The following POU3F3 variants were observed in gnomAD, a reference collection of about 807,000 sequenced individuals.
POU3F3 encodes POU class 3 homeobox 3, also known as POU domain, class 3, transcription factor 3.
A neutral mutation model predicts 8.6 loss-of-function variants in POU3F3; 1 was observed. The observed-to-expected ratio is 0.12, with a 90% CI of 0.04 to 0.55. The LOEUF (loss-of-function observed/expected upper bound fraction) is 0.55, where lower values mean the gene tolerates loss of function less well. Among genes scored for constraint, POU3F3 ranks in the 20% least tolerant of loss-of-function variants. The pLI, the probability that POU3F3 is intolerant of heterozygous loss-of-function variation, is 0.91. For missense variants in POU3F3, 577 were observed against 690.7 expected (o/e 0.84, Z 1.84); for synonymous variants, 418 against 327.4 (o/e 1.28, Z -2.99).
chr2:104,923,556 A>T, the POU3F3 span, among the ~76,000 whole-genome samples: 9 of 152,142 alleles, frequency 5.9e-5, no homozygotes, highest in Non-Finnish European at 1.3e-4. Context: ...ATGAGAAGGG[A>T]ATTTAAACAT....
chr2:104,898,081 C>T, the POU3F3 span, among the ~76,000 whole-genome samples: 1 of 152,140 alleles, frequency 6.6e-6, no homozygotes, highest in Non-Finnish European at 1.5e-5. Context: ...GGTGATTAGT[C>T]ACAAGGGTGG....
the POU3F3 span, among the ~76,000 whole-genome samples, chr2:104,892,443 G>A: frequency 6.6e-5 from 10 of 151,970 alleles, no homozygotes; most frequent in Admixed American, 5.2e-4. Context: ...AGATATTCAT[G>A]CTTATTTATT....
the POU3F3 span, among the ~76,000 whole-genome samples, chr2:104,918,553 G>A: frequency 1.3e-5 from 2 of 152,152 alleles, no homozygotes; most frequent in Admixed American, 6.5e-5. Context: ...CACACAGGGA[G>A]AACATCATGT....
chr2:104,909,378 G>T, the POU3F3 span, among the ~76,000 whole-genome samples: 2 of 152,316 alleles, frequency 1.3e-5, no homozygotes, highest in East Asian at 3.9e-4. Flanking sequence ...ACCCACAAAT[G>T]GTACCCTGGG....
the POU3F3 span, among the ~76,000 whole-genome samples, chr2:104,878,839 G>A: frequency 6.6e-6 from 1 of 152,112 alleles, no homozygotes; most frequent in African/African-American, 2.4e-5. Context: ...GTCCAGATTT[G>A]TGTGTGTTTC....
In POU3F3 at chr2:104,855,926, C is replaced by A. The variant is rs1449680778; in HGVS notation, c.416C>A (p.Pro139Gln). Residue 139 changes from proline (P) to glutamine (Q), a missense_variant, in exon 1 of 1, where the codon CCG becomes CAG. Pro to Gln is a moderately conservative substitution (Grantham distance 76, BLOSUM62 -1). Around this residue, in one of 7 missense-constraint regions of POU3F3, gnomAD observed 484 missense variants for 422.6 expected, o/e 1.15. Transcript: ENST00000361360. ...GGCAGCCCCCAGCAGCCACCGCAGC[C>A]GCCGCCGCCACCGCCGCAGGGCCCC... ...MAGSPQQPPQ[P>Q]PPPPPQGPDV... The A allele has an allele frequency of 1.9e-6, 2 of 1,058,706 alleles. No individual in the cohort carries two copies. The highest frequency in any genetic ancestry group is 2.9e-5 in the South Asian group (1 of 34,874). The allele number at this position is 1,058,706 out of a possible 1,614,324, so 65.6% of individuals were successfully genotyped here. A position where few individuals can be genotyped will look rare whatever the true frequency, so the allele number is the denominator to read the frequency against.
At position 104,856,573 on chromosome 2, in the gene POU3F3, T is replaced by C; in HGVS notation, c.1063T>C (p.Phe355Leu). ...GCTGGGCACACTCTACGGCAACGTG[T>C]TCTCGCAGACCACCATCTGCCGCTT... ...LALGTLYGNV[F>L]SQTTICRFEA... is the part of the protein sequence containing the mutation. The change falls in exon 1 of 1, where the codon TTC becomes CTC. Residue 355 changes from phenylalanine to leucine, a missense_variant. Phe to Leu is a conservative substitution (Grantham distance 22, BLOSUM62 0). This residue lies in a region of POU3F3 where 20 missense variants were observed against 107.7 expected (regional missense o/e 0.19). Transcript: ENST00000361360. 1 of 1,614,122 alleles carries C rather than the reference T, an allele frequency of 6.2e-7. No homozygotes were observed. Among genetic ancestry groups the C allele is most frequent in the Non-Finnish European group, 8.5e-7 (1 of 1,180,016 alleles).
the POU3F3 span, chr2:104,872,397 G>C: frequency 2.2e-6 from 1 of 455,400 alleles, no homozygotes; most frequent in South Asian, 1.6e-5. The surrounding 1 kb of genome is among the most constrained non-coding windows in gnomAD (Gnocchi z 4.6). Context: ...ACCGGGTATG[G>C]GGGAAGGGCT....
the POU3F3 span, chr2:104,865,587 G>A: frequency 2.0e-5 from 3 of 152,204 alleles, no homozygotes; most frequent in Non-Finnish European, 4.4e-5. Flanking sequence ...CATAAGGCAA[G>A]CCCATTAAGT....
the POU3F3 span, among the ~76,000 whole-genome samples, chr2:104,908,533 T>C: frequency 6.6e-6 from 1 of 152,328 alleles, no homozygotes; most frequent in East Asian, 1.9e-4. Flanking sequence ...AAGGAGCAAC[T>C]GAGGAATCTC....
chr2:104,918,467 G>A, the POU3F3 span, among the ~76,000 whole-genome samples: 2 of 152,178 alleles, frequency 1.3e-5, no homozygotes, highest in Non-Finnish European at 2.9e-5. Flanking sequence ...TTAAGATGAG[G>A]CCATACTGGT....
rs1319818738 is a variant in POU3F3, at chr2:104,855,966, C to T, written c.456C>T (p.Gly152=). The change falls in exon 1 of 1, where the codon GGC becomes GGT. Residue 152 remains glycine, a synonymous_variant. Coordinates refer to ENST00000361360, the MANE Select transcript of POU3F3 (RefSeq NM_006236.3). The part of the protein sequence containing the change: ...PPPQGPDVKG[G]AGRDDLHAGT... ...CGCAGGGCCCCGACGTGAAGGGCGGCGCCGGGCGCGACGACCTGCACGCGG... is the reference window on the plus strand; with the variant it reads ...CGCAGGGCCCCGACGTGAAGGGCGGTGCCGGGCGCGACGACCTGCACGCGG... 1.9e-6 allele frequency: 2 copies of T among 1,041,412 alleles called. No homozygotes were observed. Among genetic ancestry groups the T allele is most frequent in the East Asian group, 2.1e-4 (2 of 9,718 alleles). The allele number at this position is 1,041,412 out of a possible 1,614,324, so 64.5% of individuals were successfully genotyped here. A position where few individuals can be genotyped will look rare whatever the true frequency, so the allele number is the denominator to read the frequency against.
chr2:104,889,852 AT>A, the POU3F3 span, among the ~76,000 whole-genome samples: 1 of 152,240 alleles, frequency 6.6e-6, no homozygotes, highest in Non-Finnish European at 1.5e-5. Flanking sequence ...AACATGCCTA[AT>A]TAACAGCTGT....
In POU3F3 at chr2:104,858,237, T is replaced by C. The variant is rs961396250; in HGVS notation, c.*1224T>C. 6.6e-6 allele frequency: 1 copy of C among 152,182 alleles called. No homozygotes were observed. Among genetic ancestry groups the C allele is most frequent in the Non-Finnish European group, 1.5e-5 (1 of 68,030 alleles). The allele number at this position is 152,182 out of a possible 1,614,324, so 9.4% of individuals were successfully genotyped here. A position where few individuals can be genotyped will look rare whatever the true frequency, so the allele number is the denominator to read the frequency against. On this transcript the variant is annotated 3_prime_UTR_variant, in exon 1 of 1. Transcript: ENST00000361360. ...ATAATACTGCCATTTCCAAGCAGTG[T>C]TTTTGGTAGGTTTTAATAAACAGAC...
chr2:104,908,797 A>T, the POU3F3 span, among the ~76,000 whole-genome samples: 1 of 152,260 alleles, frequency 6.6e-6, no homozygotes. Flanking sequence ...GCATGGAGAC[A>T]TCAATTATGC....
the POU3F3 span, among the ~76,000 whole-genome samples, chr2:104,877,049 T>TAC: frequency 3.9e-3 from 584 of 150,644 alleles, 1 homozygote; most frequent in African/African-American, 0.01. Context: ...GACTGTGGTA[T>TAC]ACACACACAC....
downstream of POU3F3, among the ~76,000 whole-genome samples, chr2:104,860,532 C>T (rs190936286): frequency 2.0e-5 from 3 of 152,000 alleles, no homozygotes; most frequent in Admixed American, 2.0e-4. Context: ...CATTTCAATC[C>T]AACCCCCCCT....
chr2:104,924,715 T>C, the POU3F3 span, among the ~76,000 whole-genome samples: 2 of 152,218 alleles, frequency 1.3e-5, no homozygotes, highest in Admixed American at 1.3e-4. Context: ...ATTCATCCTC[T>C]CTTTTTCTGA....
chr2:104,881,450 G>T, the POU3F3 span, among the ~76,000 whole-genome samples: 1 of 152,076 alleles, frequency 6.6e-6, no homozygotes. Context: ...ACAGGCATGA[G>T]CCCCCACACC....
Sources: allele counts gnomAD v4.1 joint callset (sites outside exome capture counted in the v4.1 genomes callset), GRCh38; gene constraint gnomAD v4.1.1; regional missense constraint gnomAD v4.1.1; non-coding constraint Gnocchi (gnomAD v3.1); transcripts MANE v1.5; gene names NCBI Gene and HGNC (gene_info 2026-07-23, HGNC 2026-07-21).